The following INPP4B variants were observed in gnomAD, a reference collection of about 807,000 sequenced individuals.
The protein encoded by INPP4B is inositol polyphosphate-4-phosphatase type II B.
INPP4B carries 55 observed loss-of-function variants against 122.5 expected under a neutral mutation model. The observed-to-expected ratio is 0.45, with a 90% confidence interval of 0.36 to 0.56. INPP4B has a LOEUF of 0.56. INPP4B is among the 20% of genes least tolerant of loss of function. INPP4B has a pLI of 0.00. For missense variants in INPP4B, 1,000 were observed against 1,097.7 expected (o/e 0.91, Z 1.26); for synonymous variants, 403 against 388.7 (o/e 1.04, Z -0.43).
At position 142,637,171 on chromosome 4, in the gene INPP4B, G is replaced by C. The variant is rs891606013; in HGVS notation, c.-191+88668C>G. Among the ~76,000 whole-genome samples, 3 of 152,120 alleles carry C rather than the reference G, an allele frequency of 2.0e-5. No individual in the cohort carries two copies. The East Asian group carries it at 5.8e-4, about 29-fold the overall frequency. The stretch of plus-strand genomic sequence containing the variant: ...CTGCACCACAATGGTACATTTGTTA[G>C]AATGGATGAACCTGCATTGACACAT... On this transcript the variant is annotated intron_variant, in intron 2 of 25. Coordinates refer to ENST00000262992, the MANE Select transcript of INPP4B (RefSeq NM_001101669.3).
chr4:142,661,072 G>A (rs2150584416), intron 2 of INPP4B: 1 of 152,354 alleles, frequency 6.6e-6, no homozygotes, highest in South Asian at 2.1e-4. Context: ...ATTTGAAGCA[G>A]GGAGGAGCCT....
chr4:142,254,232 G>T (rs566175489), intron 11 of INPP4B, among the ~76,000 whole-genome samples: 29 of 151,984 alleles, frequency 1.9e-4, no homozygotes, highest in Non-Finnish European at 3.7e-4. Context: ...ACCAAAAGTA[G>T]ATAAAACCAC....
At chr4:142,095,082 G>C (rs336299) in intron 23 of INPP4B, among the ~76,000 whole-genome samples, 135,694 of 152,188 alleles carry the variant, frequency 0.89, 62,084 homozygotes, top group Non-Finnish European at 0.99. Context: ...CTATTAATGT[G>C]CTCACACTGT....
At chr4:142,190,555 T>G (rs377641616) in intron 15 of INPP4B, among the ~76,000 whole-genome samples, 2 of 152,342 alleles carry the variant, frequency 1.3e-5, no homozygotes, top group African/African-American at 4.8e-5. Context: ...CTATGGAGAA[T>G]TCTTTTAAGA....
At chr4:142,045,409 T>TA (rs749664943) in intron 25 of INPP4B, among the ~76,000 whole-genome samples, 2 of 152,188 alleles carry the variant, frequency 1.3e-5, no homozygotes, top group Non-Finnish European at 2.9e-5. Context: ...GTATCCAACA[T>TA]ACTATTTCTG....
intron 9 of INPP4B, among the ~76,000 whole-genome samples, chr4:142,289,997 C>T (rs138878372): frequency 5.7e-4 from 86 of 152,168 alleles, no homozygotes; most frequent in African/African-American, 2.0e-3. Flanking sequence ...ACAGAGTCCT[C>T]CTGACTGGTC....
intron 25 of INPP4B, among the ~76,000 whole-genome samples, chr4:142,054,326 C>A (rs1756367676): frequency 6.6e-6 from 1 of 151,698 alleles, no homozygotes; most frequent in Non-Finnish European, 1.5e-5. Context: ...TATCTGAACA[C>A]TTTTATGTGC....
At chr4:142,495,468 T>C (rs1161953754) in intron 2 of INPP4B, among the ~76,000 whole-genome samples, 1 of 151,994 alleles carries the variant, frequency 6.6e-6, no homozygotes, top group African/African-American at 2.4e-5. Flanking sequence ...ATTATGACAA[T>C]GTGTTAATCA....
chr4:142,267,330 T>C (rs1219445717), intron 10 of INPP4B, among the ~76,000 whole-genome samples: 1 of 152,126 alleles, frequency 6.6e-6, no homozygotes, highest in Admixed American at 6.5e-5. Context: ...AAAGTTATCA[T>C]AATCAAAGTG....
At chr4:142,253,103 C>A (rs951780880) in intron 11 of INPP4B, among the ~76,000 whole-genome samples, 147 of 152,138 alleles carry the variant, frequency 9.7e-4, no homozygotes, top group African/African-American at 3.5e-3. Context: ...CATATCTAAA[C>A]ATAGAAAAGG....
chr4:142,806,848 A>AAAGAAAGAAAGG (rs1561091737), intron 1 of INPP4B, among the ~76,000 whole-genome samples: 3 of 148,614 alleles, frequency 2.0e-5, no homozygotes, highest in African/African-American at 7.8e-5. Context: ...AGAAAGAAAG[A>AAAGAAAGAAAGG]AAGGAGAAGA....
At chr4:142,202,594 T>C (rs1276429815) in intron 14 of INPP4B, 6 of 195,764 alleles carry the variant, frequency 3.1e-5, no homozygotes, top group Non-Finnish European at 4.6e-5. Context: ...TATGTAGAGA[T>C]TATAAAATGA....
chr4:142,593,679 TC>T (rs1348872167), intron 2 of INPP4B, among the ~76,000 whole-genome samples: 1 of 152,098 alleles, frequency 6.6e-6, no homozygotes, highest in Non-Finnish European at 1.5e-5. Flanking sequence ...TGCTTTCCAT[TC>T]TTCCACTTTC....
intron 11 of INPP4B, among the ~76,000 whole-genome samples, chr4:142,256,767 A>G (rs1458350264): frequency 2.0e-5 from 3 of 152,236 alleles, no homozygotes; most frequent in Non-Finnish European, 4.4e-5. Context: ...GCCGAATTCT[A>G]CCAGATGTAC....
At chr4:142,060,583 G>A (rs189869118) in intron 25 of INPP4B, among the ~76,000 whole-genome samples, 104 of 152,268 alleles carry the variant, frequency 6.8e-4, no homozygotes, top group African/African-American at 2.3e-3. Context: ...GTTCCACCAC[G>A]TCTTAGCTGT....
intron 25 of INPP4B, among the ~76,000 whole-genome samples, chr4:142,062,281 C>T (rs1209748387): frequency 2.0e-5 from 3 of 151,740 alleles, no homozygotes; most frequent in Non-Finnish European, 2.9e-5. Flanking sequence ...ATCACAGCAC[C>T]ACACCATCAT....
chr4:142,230,268 AG>A (rs1381733276), intron 12 of INPP4B, among the ~76,000 whole-genome samples: 12 of 152,216 alleles, frequency 7.9e-5, no homozygotes, highest in Non-Finnish European at 1.3e-4. Flanking sequence ...GGAAAAATTA[AG>A]GATGATAACA....
chr4:142,753,778 G>A (rs1770089119), intron 1 of INPP4B, among the ~76,000 whole-genome samples: 1 of 152,030 alleles, frequency 6.6e-6, no homozygotes, highest in African/African-American at 2.4e-5. Flanking sequence ...ATATCAGTAT[G>A]ACTATGACAA....
intron 2 of INPP4B, among the ~76,000 whole-genome samples, chr4:142,669,040 A>T (rs192821244): frequency 4.6e-5 from 7 of 152,302 alleles, no homozygotes; most frequent in Non-Finnish European, 5.9e-5. Context: ...TGGATGACAG[A>T]GCAAGACTCC....
Sources: allele counts gnomAD v4.1 joint callset (sites outside exome capture counted in the v4.1 genomes callset), GRCh38; gene constraint gnomAD v4.1.1; transcripts MANE v1.5; gene names NCBI Gene and HGNC (gene_info 2026-07-23, HGNC 2026-07-21).